Variants in RALGAPA1 observed in about 807,000 individuals in gnomAD.
The protein encoded by RALGAPA1 is ral GTPase-activating protein subunit alpha-1.
Under a neutral mutation model 269.6 loss-of-function variants are expected in RALGAPA1, and 52 were observed. The ratio of observed to expected loss-of-function variants is 0.19; its 90% CI spans 0.15 to 0.24. RALGAPA1 has a LOEUF of 0.24. Among genes scored for constraint, RALGAPA1 ranks in the 10% least tolerant of loss-of-function variants. The pLI is 1.00. For missense variants in RALGAPA1, 1,917 were observed against 3,013.9 expected (o/e 0.64, Z 8.52); for synonymous variants, 817 against 1,008.3 (o/e 0.81, Z 3.60).
chr14:35,664,910 T>C, intron 26 of RALGAPA1, 143 bp from the exon 27 acceptor site: 1 of 682,208 alleles, frequency 1.5e-6, no homozygotes, highest in Non-Finnish European at 2.4e-6. Context: ...CACAAAAAGA[T>C]TTAAGTTTCC....
At chr14:35,746,909 G>T (rs923923783) in intron 10 of RALGAPA1, among the ~76,000 whole-genome samples, 6 of 151,606 alleles carry the variant, frequency 4.0e-5, no homozygotes, top group Non-Finnish European at 7.4e-5. Flanking sequence ...AAAGGAATGG[G>T]GGCTGGGGGG....
intron 13 of RALGAPA1, among the ~76,000 whole-genome samples, chr14:35,727,320 T>C (rs1271982565): frequency 7.3e-6 from 1 of 136,660 alleles, no homozygotes; most frequent in Non-Finnish European, 1.6e-5. Context: ...CATATATATA[T>C]ATATATATAT....
chr14:35,640,845 A>C (rs1167795093), intron 31 of RALGAPA1, among the ~76,000 whole-genome samples: 2 of 152,168 alleles, frequency 1.3e-5, no homozygotes, highest in African/African-American at 2.4e-5. Flanking sequence ...ATACTAGCAA[A>C]CCAAATTCAA....
chr14:35,732,462 T>G (rs1410979561), intron 12 of RALGAPA1, among the ~76,000 whole-genome samples: 1 of 152,098 alleles, frequency 6.6e-6, no homozygotes, highest in African/African-American at 2.4e-5. Flanking sequence ...GATAGAGAAC[T>G]GTAGAATGGA....
intron 7 of RALGAPA1, 95 bp from the exon 8 acceptor site, chr14:35,752,257 ATACACT>A: frequency 5.4e-6 from 7 of 1,305,128 alleles, no homozygotes; most frequent in Non-Finnish European, 7.1e-6. Context: ...AAAGGTTGCA[ATACACT>A]GAACTGTTAA....
At chr14:35,741,867 T>C (rs2071585151) in intron 11 of RALGAPA1, among the ~76,000 whole-genome samples, 1 of 152,298 alleles carries the variant, frequency 6.6e-6, no homozygotes, top group Middle Eastern at 3.4e-3. Flanking sequence ...GTCTTTCTTA[T>C]CACAGAATAA....
chr14:35,745,256 C>T (rs1325468281), intron 10 of RALGAPA1, among the ~76,000 whole-genome samples: 1 of 152,088 alleles, frequency 6.6e-6, no homozygotes, highest in African/African-American at 2.4e-5. Flanking sequence ...AACAAAAGAC[C>T]TGGAATAATC....
intron 26 of RALGAPA1, among the ~76,000 whole-genome samples, chr14:35,668,497 T>C (rs1222669673): frequency 6.8e-5 from 10 of 146,968 alleles, no homozygotes; most frequent in Middle Eastern, 3.6e-3. Flanking sequence ...AAAAAAAAAA[T>C]GTACATTAAA....
In RALGAPA1 at chr14:35,695,792, G is replaced by A. The variant is rs536170513; in HGVS notation, c.2407+4370C>T. Among the ~76,000 whole-genome samples, 7 of 152,220 alleles carry A rather than the reference G, an allele frequency of 4.6e-5. No individual in the cohort carries two copies. The South Asian group carries it at 6.2e-4, about 14-fold the overall frequency. Reference sequence around the variant, plus strand: ...CAGTAAAAGTAATTTGCTTAAGAACGATGATTCAGATTTCTGGCTTCTCTC... The same window carrying A: ...CAGTAAAAGTAATTTGCTTAAGAACAATGATTCAGATTTCTGGCTTCTCTC... On this transcript the variant is annotated intron_variant, in intron 17 of 41. Coordinates refer to ENST00000680220, the MANE Select transcript of RALGAPA1 (RefSeq NM_001346249.2).
chr14:35,731,862 T>C (rs1360813187), intron 12 of RALGAPA1, among the ~76,000 whole-genome samples: 2 of 152,014 alleles, frequency 1.3e-5, no homozygotes, highest in East Asian at 3.9e-4. Flanking sequence ...GACCTACACA[T>C]CCAAATACAA....
chr14:35,672,409 C>T (rs117724323), intron 25 of RALGAPA1, among the ~76,000 whole-genome samples: 1,586 of 152,030 alleles, frequency 0.01, 12 homozygotes, highest in Non-Finnish European at 0.017. Flanking sequence ...ATCAATGTAA[C>T]TGTCACTATG....
intron 1 of RALGAPA1, among the ~76,000 whole-genome samples, chr14:35,783,938 T>C (rs1308647821): frequency 6.6e-6 from 1 of 152,072 alleles, no homozygotes. Context: ...TGGGAAAATT[T>C]GAATCTTTGT....
chr14:35,572,550 G>C lies in RALGAPA1; in HGVS notation c.7368+10C>G, dbSNP rs560383584. ...ATCTATTACTAAAATGGAAGATAAG[G>C]AGTTCTTACCTCTGGTTTTTTCATT... On this transcript the variant is annotated intron_variant, in intron 38 of 41. Transcript: ENST00000680220. 15 of 1,582,712 alleles carry C rather than the reference G, an allele frequency of 9.5e-6. No homozygotes were observed. The highest frequency in any genetic ancestry group is 1.8e-5 in the Admixed American group (1 of 55,582).
chr14:35,676,068 CATT>C (rs1308484037), intron 22 of RALGAPA1, among the ~76,000 whole-genome samples: 4 of 152,132 alleles, frequency 2.6e-5, no homozygotes, highest in African/African-American at 7.2e-5. Flanking sequence ...AAGTGTTAAC[CATT>C]ATTGCTAATG....
intron 29 of RALGAPA1, among the ~76,000 whole-genome samples, chr14:35,654,945 C>T (rs1228159695): frequency 1.3e-5 from 2 of 152,294 alleles, no homozygotes; most frequent in East Asian, 3.9e-4. Flanking sequence ...TGTGTCTCCT[C>T]TTTTCCAGTC....
intron 27 of RALGAPA1, among the ~76,000 whole-genome samples, chr14:35,661,870 G>A (rs1342303223): frequency 6.6e-6 from 1 of 151,932 alleles, no homozygotes; most frequent in African/African-American, 2.4e-5. Context: ...AGTCCAGGGA[G>A]AGAGAGAGAT....
intron 12 of RALGAPA1, among the ~76,000 whole-genome samples, chr14:35,730,908 C>G (rs1346365749): frequency 6.6e-6 from 1 of 152,244 alleles, no homozygotes; most frequent in African/African-American, 2.4e-5. Context: ...AATGTGCCAC[C>G]TCCCGGCAAG....
intron 9 of RALGAPA1, 32 bp downstream of exon 9, chr14:35,750,450 A>C: frequency 6.3e-7 from 1 of 1,582,412 alleles, no homozygotes; most frequent in Non-Finnish European, 8.7e-7. Context: ...GCCATTTCTA[A>C]CTTTAACAGG....
intron 25 of RALGAPA1, among the ~76,000 whole-genome samples, chr14:35,672,474 A>G (rs980489540): frequency 8.5e-5 from 13 of 152,096 alleles, no homozygotes; most frequent in African/African-American, 3.1e-4. Context: ...TAGATTGAAA[A>G]AAACCTGACT....
Sources: gnomAD v4.1 joint callset for allele counts (sites outside exome capture counted in the v4.1 genomes callset) on GRCh38, gnomAD v4.1.1 for gene constraint, MANE v1.5 for transcripts, NCBI Gene and HGNC (gene_info 2026-07-23, HGNC 2026-07-21) for gene names.